ZMAT4: variants seen among roughly 807,000 people sequenced by gnomAD.
The protein encoded by ZMAT4 is zinc finger matrin-type protein 4.
Under a neutral mutation model 28.7 loss-of-function variants are expected in ZMAT4, and 17 were observed. The observed-to-expected ratio is 0.59, with a 90% confidence interval of 0.41 to 0.89. ZMAT4 has a LOEUF of 0.89. Among genes scored for constraint, ZMAT4 ranks in the 40% least tolerant of loss-of-function variants. The probability of loss-of-function intolerance (pLI) is 0.00; values close to 1 mark genes in which losing one functional copy is unlikely to be tolerated. For synonymous variants in ZMAT4, 117 were observed against 109.2 expected (o/e 1.07, Z -0.44); for missense variants, 240 against 283.8 (o/e 0.85, Z 1.11).
At chr8:40,814,900 CAA>C (rs1279064148) in intron 2 of ZMAT4, among the ~76,000 whole-genome samples, 1 of 152,142 alleles carries the variant, frequency 6.6e-6, no homozygotes, top group Non-Finnish European at 1.5e-5. Flanking sequence ...CCATTTTGCT[CAA>C]AGACTTCAAG....
chr8:40,630,226 A>C (rs1432500568), intron 5 of ZMAT4, among the ~76,000 whole-genome samples: 1 of 152,212 alleles, frequency 6.6e-6, no homozygotes, highest in East Asian at 1.9e-4. Context: ...AACTGGTATA[A>C]GAAATCCACA....
chr8:40,598,931 TGGA>T (rs1245677378), intron 5 of ZMAT4, among the ~76,000 whole-genome samples: 2 of 152,146 alleles, frequency 1.3e-5, no homozygotes, highest in African/African-American at 2.4e-5. Flanking sequence ...TTTGGGGTGG[TGGA>T]GGAGGAGTTT....
At chr8:40,801,084 A>G (rs1050790389) in intron 2 of ZMAT4, among the ~76,000 whole-genome samples, 5 of 151,964 alleles carry the variant, frequency 3.3e-5, no homozygotes, top group South Asian at 4.1e-4. Flanking sequence ...TAAAAATGCC[A>G]TGAAAAATTC....
At position 40,725,936 on chromosome 8, in the gene ZMAT4, C is replaced by T. The variant is rs4392884; in HGVS notation, c.193-28535G>A. Among the ~76,000 whole-genome samples the T allele has an allele frequency of 4.8e-3, 731 of 152,326 alleles. 3 individuals carry two copies. The highest frequency in any genetic ancestry group is 0.017 in the African/African-American group (691 of 41,582). On this transcript the variant is annotated intron_variant, in intron 3 of 6. Transcript: ENST00000297737. ...TGCACATTTGCATAATTTTTATCAT[C>T]GGACCAGCTAAGCCAGGATGCTCCA...
chr8:40,596,068 G>C (rs548390764), intron 5 of ZMAT4, among the ~76,000 whole-genome samples: 1 of 151,896 alleles, frequency 6.6e-6, no homozygotes, highest in East Asian at 1.9e-4. Flanking sequence ...GTCCAGTCTG[G>C]GTGACAAGAC....
At chr8:40,730,248 C>T (rs2150525411) in intron 3 of ZMAT4, among the ~76,000 whole-genome samples, 1 of 152,196 alleles carries the variant, frequency 6.6e-6, no homozygotes, top group African/African-American at 2.4e-5. Context: ...AGTCATCTTT[C>T]CTGCTTCAAT....
At chr8:40,589,975 T>TCCCTCCCTC (rs1563354181) in intron 5 of ZMAT4, among the ~76,000 whole-genome samples, 1 of 17,032 alleles carries the variant, frequency 5.9e-5, no homozygotes, top group African/African-American at 2.9e-4. Context: ...CTCCCTCCCT[T>TCCCTCCCTC]CCTTCCTTCC....
At chr8:40,651,621 T>A (rs1807654785) in intron 5 of ZMAT4, among the ~76,000 whole-genome samples, 1 of 149,274 alleles carries the variant, frequency 6.7e-6, no homozygotes, top group Non-Finnish European at 1.5e-5. Flanking sequence ...CATCGCCAAG[T>A]CAATCCTAAG....
chr8:40,557,788 A>T (rs2118450277), intron 6 of ZMAT4, among the ~76,000 whole-genome samples: 1 of 152,278 alleles, frequency 6.6e-6, no homozygotes, highest in South Asian at 2.1e-4. Flanking sequence ...GACCCAGAAA[A>T]GCCATACACC....
chr8:40,756,587 A>G (rs1194441056), intron 3 of ZMAT4, among the ~76,000 whole-genome samples: 1 of 150,150 alleles, frequency 6.7e-6, no homozygotes, highest in Non-Finnish European at 1.5e-5. Flanking sequence ...TATCTTTACA[A>G]TGAAATACTC....
intron 4 of ZMAT4, among the ~76,000 whole-genome samples, chr8:40,679,900 C>A (rs1417908497): frequency 6.6e-6 from 1 of 152,096 alleles, no homozygotes; most frequent in Admixed American, 6.6e-5. Context: ...ATAAAATGTT[C>A]TTTACACTAT....
At chr8:40,761,604 G>T (rs946599931) in intron 3 of ZMAT4, among the ~76,000 whole-genome samples, 25 of 152,176 alleles carry the variant, frequency 1.6e-4, no homozygotes, top group African/African-American at 6.0e-4. Context: ...ATTGCTTTCT[G>T]TATGACTTTT....
intron 3 of ZMAT4, among the ~76,000 whole-genome samples, chr8:40,744,463 G>A (rs540919027): frequency 6.6e-6 from 1 of 152,020 alleles, no homozygotes; most frequent in Admixed American, 6.6e-5. Context: ...CTTAAATAAG[G>A]GCATCTTAAA....
intron 3 of ZMAT4, among the ~76,000 whole-genome samples, 163 bp from the exon 4 acceptor site, chr8:40,697,564 A>G (rs1175947994): frequency 6.6e-6 from 1 of 151,882 alleles, no homozygotes; most frequent in Non-Finnish European, 1.5e-5. Context: ...TTTTTTAAAA[A>G]ATTTTTTTAT....
At position 40,877,118 on chromosome 8, in the gene ZMAT4, C is replaced by T. The variant is rs1357856672; in HGVS notation, c.-5+20565G>A. Among the ~76,000 whole-genome samples the T allele has an allele frequency of 1.3e-5, 2 of 152,188 alleles. 1 individual carries two copies. The highest frequency in any genetic ancestry group is 1.3e-4 in the Admixed American group (2 of 15,280). ...AAAAATGGAAATCTGGACACAGTGA[C>T]AGACACGCATAGAGGGAAGATGCGA... is the stretch of plus-strand genomic sequence containing the variant. On this transcript the variant is annotated intron_variant, in intron 1 of 6. Coordinates refer to ENST00000297737, the MANE Select transcript of ZMAT4 (RefSeq NM_024645.3).
At chr8:40,679,100 A>G (rs1281885243) in intron 4 of ZMAT4, among the ~76,000 whole-genome samples, 2 of 152,192 alleles carry the variant, frequency 1.3e-5, no homozygotes, top group Non-Finnish European at 2.9e-5. Flanking sequence ...AGCTAATTGA[A>G]GCAAGTCAGT....
chr8:40,723,562 A>T (rs1157913676), intron 3 of ZMAT4, among the ~76,000 whole-genome samples: 1 of 151,464 alleles, frequency 6.6e-6, no homozygotes, highest in Non-Finnish European at 1.5e-5. Context: ...AAAAAAAAAA[A>T]AAAGATTGGG....
At chr8:40,773,073 A>G (rs961606223) in intron 2 of ZMAT4, among the ~76,000 whole-genome samples, 1 of 152,368 alleles carries the variant, frequency 6.6e-6, no homozygotes, top group East Asian at 1.9e-4. Context: ...TCAAATGCAG[A>G]CAAGACAAAT....
intron 5 of ZMAT4, among the ~76,000 whole-genome samples, chr8:40,619,921 A>G (rs1377748061): frequency 2.6e-5 from 4 of 152,204 alleles, no homozygotes; most frequent in Non-Finnish European, 4.4e-5. Context: ...CTTAAAGCAC[A>G]ACCCATTATC....
Sources: gnomAD v4.1 joint callset for allele counts (sites outside exome capture counted in the v4.1 genomes callset) on GRCh38, gnomAD v4.1.1 for gene constraint, MANE v1.5 for transcripts, NCBI Gene and HGNC (gene_info 2026-07-23, HGNC 2026-07-21) for gene names.